Variants in C4orf50 observed in about 807,000 individuals in gnomAD.
C4orf50 encodes chromosome 4 open reading frame 50, also known as uncharacterized protein C4orf50.
In C4orf50, 80 loss-of-function variants were observed where a neutral mutation model predicts 77.2. That is an observed-to-expected ratio of 1.04 (90% CI 0.87 to 1.25). C4orf50 has a LOEUF of 1.25. Ranked by LOEUF, C4orf50 falls within the 50% of genes most tolerant of loss-of-function variation. C4orf50 has a pLI of 0.00. For synonymous variants in C4orf50, 532 were observed against 465.3 expected (o/e 1.14, Z -1.84); for missense variants, 1,257 against 1,152.9 (o/e 1.09, Z -1.31).
intron 29 of C4orf50, among the ~76,000 whole-genome samples, chr4:5,976,749 A>T (rs1164749977): frequency 6.6e-6 from 1 of 152,220 alleles, no homozygotes; most frequent in Non-Finnish European, 1.5e-5. Flanking sequence ...GAACCTATCC[A>T]TGTAAAGTGC....
intron 29 of C4orf50, among the ~76,000 whole-genome samples, chr4:5,978,214 T>A (rs534577084): frequency 6.6e-6 from 1 of 152,186 alleles, no homozygotes; most frequent in Non-Finnish European, 1.5e-5. Context: ...ACACTGCTGG[T>A]GAGAACATAA....
At chr4:5,922,703 T>C (rs1267191664) in intron 7 of C4orf50, among the ~76,000 whole-genome samples, 1 of 152,204 alleles carries the variant, frequency 6.6e-6, no homozygotes, top group African/African-American at 2.4e-5. Context: ...CCTGCATCCA[T>C]GGCAGTGCCC....
intron 28 of C4orf50, 102 bp downstream of exon 6, chr4:5,988,245 G>A: frequency 1.4e-6 from 2 of 1,431,804 alleles, no homozygotes; most frequent in Admixed American, 4.2e-5. Context: ...GAGGATGATT[G>A]TACCTCCCTC....
At chr4:6,006,163 AC>A (rs1186902577) in intron 25 of C4orf50, among the ~76,000 whole-genome samples, 5 of 152,232 alleles carry the variant, frequency 3.3e-5, no homozygotes, top group Admixed American at 3.3e-4. Context: ...AACTAAGACC[AC>A]CGATGAAGCC....
Position 5,905,707 on chromosome 4 carries a change from A to C in C4orf50, c.*2475-7519T>G, listed in dbSNP as rs935555064. Among the ~76,000 whole-genome samples the C allele has an allele frequency of 7.2e-5, 11 of 152,316 alleles. No homozygotes were observed. Among genetic ancestry groups the C allele is most frequent in the Admixed American group, 3.9e-4 (6 of 15,300 alleles). ...TTCAGACCCTTGACATGATATGGAA[A>C]TTTTATGTTACTAAGCATTCATGCA... On this transcript the variant is annotated intron_variant, in intron 7 of 7. Transcript: ENST00000324058. The surrounding 1 kb of genome is among the most constrained non-coding windows in gnomAD (Gnocchi z 5.4).
intron 7 of C4orf50, among the ~76,000 whole-genome samples, chr4:5,925,024 G>A (rs1717451148): frequency 6.6e-6 from 1 of 152,038 alleles, no homozygotes; most frequent in Non-Finnish European, 1.5e-5. Flanking sequence ...TGGGGGGTGG[G>A]GCAGGAGGTT....
chr4:5,988,964 G>A, exon 28 of C4orf50: 1 of 1,536,066 alleles, frequency 6.5e-7, no homozygotes, highest in Admixed American at 2.0e-5. Flanking sequence ...AGTTGGCCCA[G>A]ATTCCCTTTC....
exon 28 of C4orf50, chr4:5,989,436 C>T: frequency 4.6e-6 from 7 of 1,536,118 alleles, no homozygotes; most frequent in Non-Finnish European, 6.1e-6. Flanking sequence ...TCTCTTTAGA[C>T]TTCGCTTCTT....
chr4:5,951,130 C>T (rs1234521547), intron 7 of C4orf50, among the ~76,000 whole-genome samples: 2 of 152,186 alleles, frequency 1.3e-5, no homozygotes, highest in Non-Finnish European at 2.9e-5. Flanking sequence ...AGGGTCCCGT[C>T]GAGAGTCCCC....
intron 7 of C4orf50, among the ~76,000 whole-genome samples, chr4:5,923,487 G>C (rs1024609946): frequency 2.0e-5 from 3 of 151,946 alleles, no homozygotes; most frequent in African/African-American, 7.3e-5. Flanking sequence ...GTGTGCATTA[G>C]TGCCTGCCTG....
At chr4:5,976,505 G>A (rs1056612241) in intron 29 of C4orf50, among the ~76,000 whole-genome samples, 2 of 150,346 alleles carry the variant, frequency 1.3e-5, no homozygotes, top group African/African-American at 4.9e-5. Context: ...CCCAGCTGCA[G>A]TGGCTGGGGC....
At chr4:6,003,077 C>G (rs1261178224) in intron 25 of C4orf50, among the ~76,000 whole-genome samples, 1 of 152,204 alleles carries the variant, frequency 6.6e-6, no homozygotes, top group Non-Finnish European at 1.5e-5. Flanking sequence ...TAGGTAAAGG[C>G]TCTCAGCTCC....
chr4:5,960,034 A>G (rs1719188416), intron 33 of C4orf50, among the ~76,000 whole-genome samples: 1 of 152,220 alleles, frequency 6.6e-6, no homozygotes, highest in Non-Finnish European at 1.5e-5. Flanking sequence ...TGCCCAGCAC[A>G]TCTCAGGGCT....
intron 25 of C4orf50, among the ~76,000 whole-genome samples, chr4:6,003,427 A>AATGGTG (rs1470127185): frequency 6.6e-6 from 1 of 150,862 alleles, no homozygotes; most frequent in Non-Finnish European, 1.5e-5. Context: ...GGAGGGTGGC[A>AATGGTG]ATGGTGATGG....
In C4orf50 at chr4:5,970,430, G is replaced by A. The variant is rs562978689; in HGVS notation, c.4105-2968C>T. Among the ~76,000 whole-genome samples the A allele has an allele frequency of 6.6e-6, 1 of 152,150 alleles. No individual in the cohort carries two copies. The highest frequency in any genetic ancestry group is 1.5e-5 in the Non-Finnish European group (1 of 68,032). On this transcript the variant is annotated intron_variant, in intron 31 of 33. Transcript: ENST00000531445. The surrounding 1 kb of genome is among the most constrained non-coding windows in gnomAD (Gnocchi z 4.3). ...TGGGATTTCCCCATCCCCAAAACAG[G>A]CACCTGAGCTGGACAGAATCAGCAG...
chr4:5,949,435 T>C (rs143005232), intron 7 of C4orf50, among the ~76,000 whole-genome samples: 2 of 152,288 alleles, frequency 1.3e-5, no homozygotes, highest in East Asian at 3.9e-4. Flanking sequence ...AACAAGCCAG[T>C]TGCTCACAAG....
chr4:5,970,024 C>G lies in C4orf50; in HGVS notation c.4105-2562G>C, dbSNP rs977927907. Among the ~76,000 whole-genome samples, 2 of 152,094 alleles carry G rather than the reference C, an allele frequency of 1.3e-5. No homozygotes were observed. The highest frequency in any genetic ancestry group is 3.2e-3 in the Middle Eastern group (1 of 316). On this transcript the variant is annotated intron_variant, in intron 31 of 33. Coordinates refer to ENST00000531445, the Ensembl canonical transcript of C4orf50. This position sits in a 1 kb window ranked among gnomAD's most constrained non-coding sequence, Gnocchi z 4.3. ...AACCCTCTTCTCCTCTCCTTTGGTA[C>G]CCGGGCCTCTGCCTCCAAGGTCTCA...
At chr4:5,931,285 A>G (rs1181225002) in intron 7 of C4orf50, among the ~76,000 whole-genome samples, 1 of 152,200 alleles carries the variant, frequency 6.6e-6, no homozygotes, top group African/African-American at 2.4e-5. Flanking sequence ...GCGGCCCCCA[A>G]ACACTGATGC....
At chr4:5,989,003 A>G (rs547356291) in exon 28 of C4orf50, 14 of 1,535,992 alleles carry the variant, frequency 9.1e-6, no homozygotes, top group Non-Finnish European at 1.0e-5. Context: ...TCAAGCTCCA[A>G]AATTTTGCAG....
Sources: allele counts gnomAD v4.1 joint callset (sites outside exome capture counted in the v4.1 genomes callset), GRCh38; gene constraint gnomAD v4.1.1; non-coding constraint Gnocchi (gnomAD v3.1); transcripts MANE v1.5; gene names NCBI Gene and HGNC (gene_info 2026-07-23, HGNC 2026-07-21).